SMURF2: variants seen among roughly 807,000 people sequenced by gnomAD.
SMURF2 encodes the protein SMAD specific E3 ubiquitin protein ligase 2.
Under a neutral mutation model 109.6 loss-of-function variants are expected in SMURF2, and 48 were observed. The ratio of observed to expected loss-of-function variants is 0.44; its 90% CI spans 0.35 to 0.56. SMURF2 has a LOEUF of 0.56. Ranked by LOEUF, SMURF2 falls within the 20% of genes least tolerant of loss-of-function variation. The pLI is 0.01. For missense variants in SMURF2, 575 were observed against 909.0 expected (o/e 0.63, Z 4.72); for synonymous variants, 288 against 317.1 (o/e 0.91, Z 0.97).
chr17:64,656,208 A>T (rs1458442690), intron 1 of SMURF2, among the ~76,000 whole-genome samples: 1 of 152,216 alleles, frequency 6.6e-6, no homozygotes, highest in Non-Finnish European at 1.5e-5. Context: ...ACAGATTTTG[A>T]CTCCTAAGAT....
chr17:64,570,523 A>G (rs891321104), intron 10 of SMURF2, among the ~76,000 whole-genome samples: 5 of 152,220 alleles, frequency 3.3e-5, no homozygotes, highest in African/African-American at 9.6e-5. Context: ...GGCAATGCTA[A>G]TAAGTAACAG....
intron 12 of SMURF2, among the ~76,000 whole-genome samples, chr17:64,559,632 A>G (rs1969182682): frequency 6.6e-6 from 1 of 151,524 alleles, no homozygotes; most frequent in Non-Finnish European, 1.5e-5. Context: ...CGAGCCAGGC[A>G]TGGTGGCTCG....
chr17:64,577,806 C>A (rs1555686198), intron 9 of SMURF2, among the ~76,000 whole-genome samples: 1 of 151,906 alleles, frequency 6.6e-6, no homozygotes, highest in African/African-American at 2.4e-5. Context: ...GTGGCTCAGA[C>A]TGGTTTCAAA....
chr17:64,559,642 G>A (rs1211373023), intron 12 of SMURF2, among the ~76,000 whole-genome samples: 2 of 151,258 alleles, frequency 1.3e-5, no homozygotes, highest in South Asian at 2.1e-4. Flanking sequence ...ATGGTGGCTC[G>A]CGCCTGTAAT....
At chr17:64,548,197 A>G (rs1968986668) in intron 16 of SMURF2, among the ~76,000 whole-genome samples, 2 of 152,176 alleles carry the variant, frequency 1.3e-5, no homozygotes, top group Admixed American at 6.5e-5. Flanking sequence ...AAATACAGAT[A>G]TGTGCCTTCT....
At chr17:64,644,374 C>T (rs544360059) in intron 1 of SMURF2, among the ~76,000 whole-genome samples, 2 of 149,934 alleles carry the variant, frequency 1.3e-5, no homozygotes, top group South Asian at 2.1e-4. Flanking sequence ...TAATTGAGCT[C>T]AGGAGTTTGA....
rs1266463624 is a variant in SMURF2 at position 64,554,719 on chromosome 17, G to T, written c.1748+137C>A. On this transcript the variant is annotated intron_variant, in intron 15 of 18. Transcript: ENST00000262435. ...AATTGTGAGAAATAATAAAATGTCT[G>T]TTCTAAATAAGCCACTAAATTCTCC... 4.0e-6 allele frequency: 3 copies of T among 742,936 alleles called. No homozygotes were observed. The African/African-American group carries it at 5.4e-5, about 13-fold the overall frequency. 46.0% of individuals were successfully genotyped at this position (742,936 alleles called of 1,614,324 possible).
At chr17:64,583,848 G>A (rs1246327502) in intron 6 of SMURF2, among the ~76,000 whole-genome samples, 1 of 149,230 alleles carries the variant, frequency 6.7e-6, no homozygotes, top group Non-Finnish European at 1.5e-5. Context: ...TATGGAAAAT[G>A]GCTATACTAA....
chr17:64,621,209 G>T (rs782473723), intron 1 of SMURF2, among the ~76,000 whole-genome samples: 50 of 152,202 alleles, frequency 3.3e-4, no homozygotes, highest in Non-Finnish European at 6.6e-4. Flanking sequence ...AAAGTGCAAA[G>T]GTATTTAGCT....
chr17:64,566,575 T>TTTTTTTTTTTTTTTC (rs1969312183), intron 10 of SMURF2, among the ~76,000 whole-genome samples: 1 of 103,264 alleles, frequency 9.7e-6, no homozygotes, highest in South Asian at 3.8e-4. Flanking sequence ...TTTTTTTTTT[T>TTTTTTTTTTTTTTTC]TTTTTTTTTT....
intron 1 of SMURF2, among the ~76,000 whole-genome samples, chr17:64,644,733 G>A (rs782077223): frequency 3.9e-4 from 59 of 151,848 alleles, no homozygotes; most frequent in African/African-American, 1.3e-3. Context: ...CCAACATGGC[G>A]AAACTCCAAC....
intron 1 of SMURF2, among the ~76,000 whole-genome samples, chr17:64,617,067 A>C (rs1421267945): frequency 1.0e-5 from 1 of 99,870 alleles, no homozygotes; most frequent in African/African-American, 7.0e-5. Flanking sequence ...ACCTTGTCTA[A>C]AAAAAAAAAA....
chr17:64,646,368 T>C (rs1385212899), intron 1 of SMURF2, among the ~76,000 whole-genome samples: 1 of 147,726 alleles, frequency 6.8e-6, no homozygotes, highest in Non-Finnish European at 1.5e-5. Flanking sequence ...AATTTTTCTT[T>C]TTTTTTTTCT....
chr17:64,620,742 T>TA (rs1457163052), intron 1 of SMURF2, among the ~76,000 whole-genome samples: 2 of 152,264 alleles, frequency 1.3e-5, no homozygotes, highest in Non-Finnish European at 2.9e-5. Flanking sequence ...TGTGATGTCT[T>TA]ACCTCTGTCT....
chr17:64,567,395 A>G lies in SMURF2; in HGVS notation c.1016+4403T>C, dbSNP rs545237583. Among the ~76,000 whole-genome samples, 8 of 132,906 alleles carry G rather than the reference A, an allele frequency of 6.0e-5. No homozygotes were observed. The East Asian group carries it at 1.5e-3, about 26-fold the overall frequency. 87.2% of individuals were successfully genotyped at this position (132,906 alleles called of 152,430 possible). ...GTTACTTCCTGTCATTTACTCCAAC[A>G]AACAGAAAAGACAACAGACATTTCT... On this transcript the variant is annotated intron_variant, in intron 10 of 18. Coordinates refer to ENST00000262435, the MANE Select transcript of SMURF2 (RefSeq NM_022739.4).
At chr17:64,624,327 T>A (rs1049128170) in intron 1 of SMURF2, among the ~76,000 whole-genome samples, 3 of 150,706 alleles carry the variant, frequency 2.0e-5, no homozygotes, top group Non-Finnish European at 4.4e-5. Flanking sequence ...TGAAACCTCA[T>A]CTCTATAAAA....
chr17:64,591,213 T>C (rs1379828434), intron 4 of SMURF2, 64 bp from the exon 5 acceptor site: 6 of 1,159,516 alleles, frequency 5.2e-6, no homozygotes, highest in Non-Finnish European at 6.4e-6. Flanking sequence ...CTAACATCTA[T>C]AGAGTGACAA....
At chr17:64,553,167 GC>G (rs1969070065) in intron 15 of SMURF2, among the ~76,000 whole-genome samples, 1 of 151,702 alleles carries the variant, frequency 6.6e-6, no homozygotes. Flanking sequence ...CTCATCCTAG[GC>G]AAAAACTTTA....
chr17:64,596,006 C>A (rs1969811205), intron 3 of SMURF2, among the ~76,000 whole-genome samples: 1 of 151,724 alleles, frequency 6.6e-6, no homozygotes, highest in Admixed American at 6.6e-5. Flanking sequence ...GTGGCTAGTC[C>A]AAATTGAGGC....
Sources: gnomAD v4.1 joint callset for allele counts (sites outside exome capture counted in the v4.1 genomes callset) on GRCh38, gnomAD v4.1.1 for gene constraint, MANE v1.5 for transcripts, NCBI Gene and HGNC (gene_info 2026-07-23, HGNC 2026-07-21) for gene names.